DAAM1: variants seen among roughly 807,000 people sequenced by gnomAD.
DAAM1 encodes dishevelled associated activator of morphogenesis 1, also known as disheveled-associated activator of morphogenesis 1.
In DAAM1, 52 loss-of-function variants were observed where a neutral mutation model predicts 130.0. The ratio of observed to expected loss-of-function variants is 0.40; its 90% CI spans 0.32 to 0.50. The LOEUF (loss-of-function observed/expected upper bound fraction) is 0.50, where lower values mean the gene tolerates loss of function less well. DAAM1 is among the 20% of genes least tolerant of loss of function. The probability of loss-of-function intolerance (pLI) is 0.61; values close to 1 mark genes in which losing one functional copy is unlikely to be tolerated. For missense variants in DAAM1, 1,134 were observed against 1,303.8 expected (o/e 0.87, Z 2.01); for synonymous variants, 452 against 444.5 (o/e 1.02, Z -0.21).
At chr14:59,277,968 A>G (rs894280201) in intron 2 of DAAM1, among the ~76,000 whole-genome samples, 1 of 152,180 alleles carries the variant, frequency 6.6e-6, no homozygotes, top group African/African-American at 2.4e-5. Flanking sequence ...ACTGAACGCT[A>G]TATATACTAT....
chr14:59,359,552 T>G (rs751475650), intron 21 of DAAM1, 48 bp downstream of exon 21: 1 of 1,454,306 alleles, frequency 6.9e-7, no homozygotes, highest in African/African-American at 1.4e-5. Context: ...TTGGATTGTG[T>G]GTTAGCCATT....
chr14:59,325,727 A>G lies in DAAM1; in HGVS notation c.1053A>G (p.Glu351=). ...EDELEFAKRF[E]LVHIDTKSAT... is the part of the protein sequence containing the mutation. ...AACTAGAATTTGCCAAAAGATTTGA[A>G]CTGGTACGTATGCTTACAATTATTC... The change falls in exon 9 of 25, where the codon GAA becomes GAG. Residue 351 remains glutamate (E), a synonymous_variant. Transcript: ENST00000360909. 1.2e-6 allele frequency: 2 copies of G among 1,614,004 alleles called. No homozygotes were observed. The highest frequency in any genetic ancestry group is 1.7e-6 in the Non-Finnish European group (2 of 1,179,908).
chr14:59,313,227 A>C (rs902496628), intron 3 of DAAM1, among the ~76,000 whole-genome samples: 2 of 152,186 alleles, frequency 1.3e-5, no homozygotes, highest in African/African-American at 4.8e-5. Context: ...ACACATCTGC[A>C]TGCAGGGACC....
Position 59,359,184 on chromosome 14 carries a change from C to A in DAAM1, c.2526-213C>A, listed in dbSNP as rs1263742000. 16 of 443,874 alleles carry A rather than the reference C, an allele frequency of 3.6e-5. No homozygotes were observed. In the East Asian group the frequency reaches 5.6e-4, roughly 16 times the overall value. 27.5% of individuals were successfully genotyped at this position (443,874 alleles called of 1,614,324 possible). On this transcript the variant is annotated intron_variant, in intron 20 of 24. Coordinates refer to ENST00000360909, the MANE Select transcript of DAAM1 (RefSeq NM_001270520.2). Reference sequence around the variant, plus strand: ...GCTTTTTGACATATATCTATGCAATCCCCATGGAGGCTCTCCCATTATTCC... The same window carrying A: ...GCTTTTTGACATATATCTATGCAATACCCATGGAGGCTCTCCCATTATTCC...
intron 1 of DAAM1, among the ~76,000 whole-genome samples, chr14:59,219,608 C>T (rs1888706832): frequency 6.6e-6 from 1 of 152,128 alleles, no homozygotes; most frequent in Admixed American, 6.5e-5. Flanking sequence ...GGTACTCTTT[C>T]CTCCAAGAGT....
chr14:59,234,691 C>T (rs967405986), intron 1 of DAAM1, among the ~76,000 whole-genome samples: 3 of 152,126 alleles, frequency 2.0e-5, no homozygotes, highest in African/African-American at 7.2e-5. Flanking sequence ...GAGAGGGCAT[C>T]CTTGTCTTGT....
intron 4 of DAAM1, among the ~76,000 whole-genome samples, chr14:59,318,453 G>A (rs1469270556): frequency 6.7e-6 from 1 of 150,006 alleles, no homozygotes; most frequent in East Asian, 1.9e-4. Context: ...AGTGCATAGA[G>A]CATTCAAAGA....
intron 2 of DAAM1, among the ~76,000 whole-genome samples, chr14:59,290,291 A>C (rs1229806557): frequency 6.6e-6 from 1 of 152,188 alleles, no homozygotes; most frequent in Non-Finnish European, 1.5e-5. Context: ...GTACACCACT[A>C]TAAAGTTAAC....
At chr14:59,368,427 G>A (rs1342111404) in intron 24 of DAAM1, among the ~76,000 whole-genome samples, 1 of 152,068 alleles carries the variant, frequency 6.6e-6, no homozygotes. Context: ...TCTAGGTGGT[G>A]AGGGTCTAAC....
intron 3 of DAAM1, among the ~76,000 whole-genome samples, chr14:59,303,471 C>T (rs747771097): frequency 8.3e-4 from 126 of 152,312 alleles, no homozygotes; most frequent in Middle Eastern, 3.4e-3. Flanking sequence ...GCTTCCTGCC[C>T]TGGTTAGCGA....
chr14:59,264,029 A>T (rs903867266), intron 2 of DAAM1: 6 of 308,838 alleles, frequency 1.9e-5, no homozygotes, highest in South Asian at 9.6e-5. Context: ...ACCTATTGGG[A>T]TTCCCTAATG....
In DAAM1 at chr14:59,369,005, A is replaced by C. The variant is rs1208610013; in HGVS notation, c.*146A>C. The C allele has an allele frequency of 3.0e-6, 2 of 658,296 alleles. No individual in the cohort carries two copies. Among genetic ancestry groups the C allele is most frequent in the African/African-American group, 1.8e-5 (1 of 54,894 alleles). 40.8% of individuals were successfully genotyped at this position (658,296 alleles called of 1,614,324 possible). A position where few individuals can be genotyped will look rare whatever the true frequency, so the allele number is the denominator to read the frequency against. On this transcript the variant is annotated 3_prime_UTR_variant, in exon 25 of 25. Transcript: ENST00000360909. ...TGTGTGAACGTGTGTATGTAAATGT[A>C]TGTGTGTATATATTAAAAAATGTAT...
At chr14:59,334,334 T>C (rs1885545710) in intron 15 of DAAM1, among the ~76,000 whole-genome samples, 1 of 152,214 alleles carries the variant, frequency 6.6e-6, no homozygotes, top group South Asian at 2.1e-4. Flanking sequence ...TCAAGACCTA[T>C]GCATTTTCAT....
chr14:59,216,746 A>T (rs1472628682), intron 1 of DAAM1, among the ~76,000 whole-genome samples: 1 of 152,122 alleles, frequency 6.6e-6, no homozygotes, highest in Non-Finnish European at 1.5e-5. Context: ...AGTCAATTTC[A>T]TATCACCATG....
At chr14:59,288,860 A>AGAGAGAGAGAGAGAGC (rs1018804753) in intron 2 of DAAM1, among the ~76,000 whole-genome samples, 3 of 144,000 alleles carry the variant, frequency 2.1e-5, no homozygotes, top group African/African-American at 5.1e-5. Flanking sequence ...AGAGAGAGAG[A>AGAGAGAGAGAGAGAGC]GCGCGCGAAG....
At chr14:59,349,013 G>T (rs1043247971) in intron 17 of DAAM1, among the ~76,000 whole-genome samples, 7 of 152,182 alleles carry the variant, frequency 4.6e-5, no homozygotes, top group African/African-American at 1.7e-4. Context: ...CGGTTTAAAA[G>T]TATCTCCTGA....
At chr14:59,269,940 T>C (rs762306805) in intron 2 of DAAM1, among the ~76,000 whole-genome samples, 1 of 152,138 alleles carries the variant, frequency 6.6e-6, no homozygotes, top group Non-Finnish European at 1.5e-5. Flanking sequence ...GGGAAAGGTA[T>C]GTTTGGGATG....
Position 59,367,521 on chromosome 14 carries a change from G to A in DAAM1, c.2919G>A (p.Val973=), listed in dbSNP as rs777088847. The change falls in exon 24 of 25, where the codon GTG becomes GTA. Residue 973 remains valine (V), a synonymous_variant. Transcript: ENST00000360909. ...TTTTTGATCAATTTCTTCAAGCTGT[G>A]TCAGAAGCCAAACAAGAAAACGAAA... is the stretch of plus-strand genomic sequence containing the variant. The part of the protein sequence containing the change: ...FGIFDQFLQA[V]SEAKQENENM... The A allele has an allele frequency of 1.5e-5, 25 of 1,613,750 alleles. No homozygotes were observed. The East Asian group carries it at 4.9e-4, about 32-fold the overall frequency.
intron 3 of DAAM1, chr14:59,291,598 C>T (rs557220918): frequency 8.9e-6 from 3 of 337,884 alleles, no homozygotes; most frequent in South Asian, 3.0e-5. Context: ...CTGCGCTTTA[C>T]ATACCAGTCT....
Sources: allele counts gnomAD v4.1 joint callset (sites outside exome capture counted in the v4.1 genomes callset), GRCh38; gene constraint gnomAD v4.1.1; transcripts MANE v1.5; gene names NCBI Gene and HGNC (gene_info 2026-07-23, HGNC 2026-07-21).